GOLGA4: variants seen among roughly 807,000 people sequenced by gnomAD.
GOLGA4 encodes the protein golgin subfamily A member 4.
In GOLGA4, 169 loss-of-function variants were observed where a neutral mutation model predicts 265.9. The ratio of observed to expected loss-of-function variants is 0.64; its 90% CI spans 0.56 to 0.72. GOLGA4 has a LOEUF of 0.72. Ranked by LOEUF, GOLGA4 falls within the 30% of genes least tolerant of loss-of-function variation. GOLGA4 has a pLI of 0.00. For missense variants in GOLGA4, 2,482 were observed against 2,483.4 expected, an observed-to-expected ratio of 1.00 and a Z score of 0.01; for synonymous variants, 923 against 855.8, an observed-to-expected ratio of 1.08 and a Z score of -1.37.
chr3:37,337,316 A>C (rs1314424481), intron 18 of GOLGA4, among the ~76,000 whole-genome samples, 153 bp downstream of exon 18: 1 of 151,334 alleles, frequency 6.6e-6, no homozygotes, highest in Non-Finnish European at 1.5e-5. Context: ...CTCATGCCTT[A>C]GTCTCCCAAA....
In GOLGA4 at chr3:37,325,159, C is replaced by A. The variant is rs757546295; in HGVS notation, c.3273C>A (p.Asn1091Lys). The change falls in exon 14 of 24, where the codon AAC (asparagine) becomes AAA (lysine). Residue 1091 changes from asparagine to lysine, a missense_variant. Asn to Lys is a moderately conservative substitution (Grantham distance 94). Around this residue, in one of 3 missense-constraint regions of GOLGA4, gnomAD observed 1,536 missense variants for 1,483.7 expected, o/e 1.04. Transcript: ENST00000361924. ...TTGGGTGTGAAAAAGAAGAGATGAA[C>A]AAGGAAATAACATGGCTGAAGGAAG... The part of the protein sequence containing the change: ...LLFGCEKEEM[N>K]KEITWLKEEG... 1 of 1,613,526 alleles carries A rather than the reference C, an allele frequency of 6.2e-7. No individual in the cohort carries two copies. Among genetic ancestry groups the A allele is most frequent in the Non-Finnish European group, 8.5e-7 (1 of 1,179,728 alleles).
chr3:37,336,244 A>G (rs2097012019), intron 17 of GOLGA4, among the ~76,000 whole-genome samples: 2 of 152,006 alleles, frequency 1.3e-5, no homozygotes, highest in African/African-American at 4.8e-5. Flanking sequence ...CCATTTAGTC[A>G]TGTAGTCATG....
chr3:37,257,201 A>C (rs1323433434), intron 2 of GOLGA4, among the ~76,000 whole-genome samples: 3 of 152,058 alleles, frequency 2.0e-5, no homozygotes, highest in Non-Finnish European at 1.5e-5. Context: ...GACCACTTTT[A>C]CTTAGCTTAA....
intron 1 of GOLGA4, among the ~76,000 whole-genome samples, chr3:37,244,759 C>G (rs777540461): frequency 1.3e-5 from 2 of 152,204 alleles, no homozygotes; most frequent in Non-Finnish European, 1.5e-5. Flanking sequence ...AGAAAAACAT[C>G]AGAACACAAC....
chr3:37,296,486 G>C (rs1192610521), intron 7 of GOLGA4, among the ~76,000 whole-genome samples: 2 of 152,160 alleles, frequency 1.3e-5, no homozygotes, highest in Non-Finnish European at 2.9e-5. Flanking sequence ...AGAAGTGTCC[G>C]TGGTCCTAAT....
intron 11 of GOLGA4, among the ~76,000 whole-genome samples, chr3:37,317,061 AG>A (rs1486293097): frequency 3.9e-5 from 6 of 152,170 alleles, no homozygotes; most frequent in Admixed American, 3.3e-4. Flanking sequence ...TTTATTTTAA[AG>A]GCTGCTCAAG....
chr3:37,277,663 G>A (rs1471562665), intron 2 of GOLGA4, among the ~76,000 whole-genome samples: 1 of 152,140 alleles, frequency 6.6e-6, no homozygotes, highest in Non-Finnish European at 1.5e-5. Flanking sequence ...ATGGGCTATA[G>A]CAAGTAGCTT....
At chr3:37,248,356 G>A (rs992169431) in intron 1 of GOLGA4, among the ~76,000 whole-genome samples, 8 of 152,284 alleles carry the variant, frequency 5.3e-5, no homozygotes, top group Admixed American at 3.9e-4. Context: ...TATTAATTGT[G>A]GGTCTGGATG....
chr3:37,362,240 ATTT>A (rs773620319), intron 23 of GOLGA4, among the ~76,000 whole-genome samples: 15,027 of 93,924 alleles, frequency 0.16, 860 homozygotes, highest in Admixed American at 0.22. Context: ...TTTATTTATT[ATTT>A]TTTTTTTTTT....
rs756153297 is a variant in GOLGA4 at position 37,366,537 on chromosome 3, T to TG, written c.*492dup. ...TATTCAGGTTGATCTGTTGAATATT[T>TG]GCTAAAGACCAGTTCTTTAAGCTAA... On this transcript the variant is annotated 3_prime_UTR_variant, in exon 24 of 24. Transcript: ENST00000361924. 6.4e-6 allele frequency: 1 copy of TG among 156,706 alleles called. No individual in the cohort carries two copies. The highest frequency in any genetic ancestry group is 2.4e-5 in the African/African-American group (1 of 41,626). The allele number at this position is 156,706 out of a possible 1,614,324, so 9.7% of individuals were successfully genotyped here. A position where few individuals can be genotyped will look rare whatever the true frequency, so the allele number is the denominator to read the frequency against.
intron 16 of GOLGA4, among the ~76,000 whole-genome samples, chr3:37,329,933 C>G (rs2096984572): frequency 6.6e-6 from 1 of 151,672 alleles, no homozygotes; most frequent in African/African-American, 2.4e-5. Flanking sequence ...CTGACTATGT[C>G]AGCAGAAGTC....
rs759274870 is a variant in GOLGA4, at chr3:37,287,909, C to T, written c.526-1326C>T. ...GTTTTGCTTGTTAGTCCACACAAAC[C>T]AGTGAAGCTCCAGATTACCCTATTC... is the stretch of plus-strand genomic sequence containing the variant. On this transcript the variant is annotated intron_variant, in intron 4 of 23. Transcript: ENST00000361924. 1.5e-4 allele frequency among the ~76,000 whole-genome samples: 23 copies of T among 152,090 alleles called. 1 individual carries two copies. The highest frequency in any genetic ancestry group is 2.6e-4 in the Non-Finnish European group (18 of 68,022).
intron 2 of GOLGA4, among the ~76,000 whole-genome samples, chr3:37,257,643 A>G (rs1220427107): frequency 1.3e-5 from 2 of 151,532 alleles, no homozygotes; most frequent in Admixed American, 6.6e-5. Flanking sequence ...CAGATGTACT[A>G]TTATGTGGAT....
chr3:37,337,101 T>A (rs1451819478), intron 17 of GOLGA4, 42 bp from the exon 18 acceptor site: 4 of 1,202,444 alleles, frequency 3.3e-6, no homozygotes, highest in Non-Finnish European at 4.9e-6. Context: ...TTCTTATAGC[T>A]ATTATTGTAT....
intron 10 of GOLGA4, among the ~76,000 whole-genome samples, chr3:37,310,002 C>T (rs1465494149): frequency 6.6e-6 from 1 of 152,192 alleles, no homozygotes; most frequent in African/African-American, 2.4e-5. Flanking sequence ...ATTTGCATTT[C>T]ATTCATTTTG....
At chr3:37,305,356 G>T (rs1005890698) in intron 10 of GOLGA4, among the ~76,000 whole-genome samples, 20 of 152,218 alleles carry the variant, frequency 1.3e-4, no homozygotes, top group Non-Finnish European at 2.6e-4. Flanking sequence ...GTAACAAACT[G>T]TCTCTACATT....
intron 2 of GOLGA4, among the ~76,000 whole-genome samples, chr3:37,275,508 T>C (rs2096814174): frequency 6.6e-6 from 1 of 152,078 alleles, no homozygotes; most frequent in South Asian, 2.1e-4. Flanking sequence ...GTACAGAACA[T>C]ATCCAGTGAT....
chr3:37,355,372 T>C (rs7430597), intron 22 of GOLGA4, among the ~76,000 whole-genome samples, 185 bp downstream of exon 22: 1 of 152,156 alleles, frequency 6.6e-6, no homozygotes. Context: ...TGTGAATGGA[T>C]GCCCTCAAGG....
intron 2 of GOLGA4, chr3:37,273,745 T>C (rs962690033): frequency 4.2e-5 from 24 of 568,094 alleles, no homozygotes; most frequent in Non-Finnish European, 6.5e-5. Context: ...ACAGGTTTGC[T>C]CATGGTTTCT....
Sources: gnomAD v4.1 joint callset for allele counts (sites outside exome capture counted in the v4.1 genomes callset) on GRCh38, gnomAD v4.1.1 for gene constraint, gnomAD v4.1.1 regional missense constraint, MANE v1.5 for transcripts, NCBI Gene and HGNC (gene_info 2026-07-23, HGNC 2026-07-21) for gene names.